The following NVL variants were observed in gnomAD, a reference collection of about 807,000 sequenced individuals.
The protein encoded by NVL is nuclear valosin-containing protein-like.
Under a neutral mutation model 110.2 loss-of-function variants are expected in NVL, and 84 were observed. That is an observed-to-expected ratio of 0.76 (90% confidence interval 0.64 to 0.91). The LOEUF is 0.91. NVL is among the 40% of genes least tolerant of loss of function. The pLI is 0.00. For synonymous variants in NVL, 354 were observed against 361.1 expected, an observed-to-expected ratio of 0.98 and a Z score of 0.22; for missense variants, 882 against 1,035.9, an observed-to-expected ratio of 0.85 and a Z score of 2.04.
intron 21 of NVL, chr1:224,232,840 G>C (rs1199905873): frequency 5.9e-6 from 1 of 169,454 alleles, no homozygotes; most frequent in East Asian, 1.6e-4. Context: ...CTTCTCTTGT[G>C]TATTTTCTAA....
intron 18 of NVL, among the ~76,000 whole-genome samples, chr1:224,262,139 G>A (rs955839960): frequency 1.3e-5 from 2 of 151,992 alleles, no homozygotes; most frequent in African/African-American, 2.4e-5. Flanking sequence ...AGGACATTTA[G>A]GAGATCAGTC....
Position 224,317,896 on chromosome 1 carries a change from T to G in NVL, c.166A>C (p.Arg56=). Residue 56 remains arginine (R), a synonymous_variant, in exon 3 of 23, where the codon AGG becomes CGG. Transcript: ENST00000281701. The part of the protein sequence containing the change: ...DYGRRKRNAF[R]IQVEKVFSII... ...GACTCACCTTTTTCTACCTGAATCCTAAAAGCATTTCTTTTTCTTCGACCA... is the reference window on the plus strand; with the variant it reads ...GACTCACCTTTTTCTACCTGAATCCGAAAAGCATTTCTTTTTCTTCGACCA... The G allele has an allele frequency of 6.3e-7, 1 of 1,598,858 alleles. No individual in the cohort carries two copies. The highest frequency in any genetic ancestry group is 8.6e-7 in the Non-Finnish European group (1 of 1,168,584).
chr1:224,316,456 C>T (rs1477624622), intron 4 of NVL, among the ~76,000 whole-genome samples: 2 of 151,810 alleles, frequency 1.3e-5, no homozygotes, highest in South Asian at 2.1e-4. Flanking sequence ...GAGGATGAGG[C>T]GGGCAGACTG....
At chr1:224,281,315 GA>G in intron 15 of NVL, 130 bp from the exon 16 acceptor site, 4 of 734,638 alleles carry the variant, frequency 5.4e-6, no homozygotes, top group South Asian at 3.2e-5. Flanking sequence ...GTGTGTGTGA[GA>G]TTTAGATGGA....
chr1:224,296,446 T>G, intron 11 of NVL, 55 bp downstream of exon 11: 2 of 897,040 alleles, frequency 2.2e-6, no homozygotes, highest in Non-Finnish European at 3.4e-6. Flanking sequence ...ATGTATTAAT[T>G]ACACTATTTT....
chr1:224,231,325 T>C (rs762636213), intron 21 of NVL, 29 bp from the exon 22 acceptor site: 6 of 1,561,414 alleles, frequency 3.8e-6, no homozygotes, highest in Non-Finnish European at 5.3e-6. Flanking sequence ...AATATACACA[T>C]CTCAGTATCG....
At chr1:224,233,010 T>A (rs1429734255) in intron 21 of NVL, 191 bp downstream of exon 21, 1 of 509,038 alleles carries the variant, frequency 2.0e-6, no homozygotes, top group Non-Finnish European at 3.4e-6. Context: ...AGGTACTAAA[T>A]AACTTTGCTA....
At chr1:224,254,257 T>C (rs1009243363) in intron 18 of NVL, among the ~76,000 whole-genome samples, 2 of 151,972 alleles carry the variant, frequency 1.3e-5, no homozygotes, top group Non-Finnish European at 2.9e-5. Context: ...CATGCCCGGC[T>C]AACTTTTGTA....
At position 224,236,595 on chromosome 1, in the gene NVL, G is replaced by A; in HGVS notation, c.2290-13C>T. On this transcript the variant is annotated splice_polypyrimidine_tract_variant and intron_variant, in intron 19 of 22. Coordinates refer to ENST00000281701, the MANE Select transcript of NVL (RefSeq NM_002533.4). ...GTTTGGTACCATTCTAAGTAAGAGAGAAAAATGATTTTTCATTGGAGCTTT... is the reference window on the plus strand; with the variant it reads ...GTTTGGTACCATTCTAAGTAAGAGAAAAAAATGATTTTTCATTGGAGCTTT... 6.2e-7 allele frequency: 1 copy of A among 1,607,052 alleles called. No homozygotes were observed. The highest frequency in any genetic ancestry group is 1.1e-5 in the South Asian group (1 of 90,896).
intron 19 of NVL, among the ~76,000 whole-genome samples, chr1:224,246,796 G>A (rs1661869422): frequency 6.6e-6 from 1 of 152,132 alleles, no homozygotes. Context: ...AGCACTTTGG[G>A]AGGCCGTGGT....
intron 6 of NVL, 37 bp downstream of exon 6, chr1:224,307,954 T>G (rs1327729211): frequency 1.3e-5 from 19 of 1,506,378 alleles, no homozygotes; most frequent in Non-Finnish European, 1.5e-5. Flanking sequence ...GAAATGTACT[T>G]CGATGATATG....
intron 17 of NVL, chr1:224,269,771 A>C: frequency 7.5e-6 from 1 of 133,992 alleles, no homozygotes; most frequent in Admixed American, 7.1e-5. Context: ...TTTTTGAGAC[A>C]GGGGTCTTGT....
At position 224,311,743 on chromosome 1, in the gene NVL, T is replaced by A. The variant is rs564615998; in HGVS notation, c.342+57A>T. The A allele has an allele frequency of 1.4e-5, 19 of 1,317,712 alleles. No homozygotes were observed. The African/African-American group carries it at 1.4e-4, about 10-fold the overall frequency. 81.6% of individuals were successfully genotyped at this position (1,317,712 alleles called of 1,614,324 possible). A position where few individuals can be genotyped will look rare whatever the true frequency, so the allele number is the denominator to read the frequency against. ...CTAATACTGAGTTTTTCAAGGGAGG[T>A]ACCATAACAACTAAAAAAGAAAAAA... On this transcript the variant is annotated intron_variant, in intron 5 of 22. Coordinates refer to ENST00000281701, the MANE Select transcript of NVL (RefSeq NM_002533.4).
chr1:224,265,231 G>A (rs907392937), intron 18 of NVL, among the ~76,000 whole-genome samples: 4 of 151,998 alleles, frequency 2.6e-5, no homozygotes, highest in Admixed American at 6.6e-5. Context: ...CAGGCCAGGC[G>A]CAGTGGCTCA....
At chr1:224,290,320 T>G (rs1318146519) in intron 12 of NVL, among the ~76,000 whole-genome samples, 1 of 152,228 alleles carries the variant, frequency 6.6e-6, no homozygotes, top group Non-Finnish European at 1.5e-5. Flanking sequence ...CTTGAACAAT[T>G]TCTGATAAGA....
intron 19 of NVL, among the ~76,000 whole-genome samples, chr1:224,247,328 A>G (rs1419123856): frequency 6.6e-6 from 1 of 151,790 alleles, no homozygotes; most frequent in Non-Finnish European, 1.5e-5. Context: ...ACCTCAGCCT[A>G]CCAAGTAGCT....
rs1375953786 is a variant in NVL at position 224,308,056 on chromosome 1, C to G, written c.550G>C (p.Asp184His). The G allele has an allele frequency of 1.9e-6, 3 of 1,596,728 alleles. No individual in the cohort carries two copies. In the African/African-American group the frequency reaches 4.0e-5, roughly 22 times the overall value. Reference protein sequence around the residue: ...FIDKTPSVKKDSFFLDLSCEK... With the variant: ...FIDKTPSVKKHSFFLDLSCEK... The stretch of plus-strand genomic sequence containing the variant: ...CATGACAGGTCCAAGAAAAAACTGT[C>G]TTTCTTTACACTTGGGGTTTTGTCA... Residue 184 changes from aspartate to histidine, a missense_variant, in exon 6 of 23, where the codon GAC (aspartate) becomes CAC (histidine). Around this residue, in one of 4 missense-constraint regions of NVL, gnomAD observed 274 missense variants for 268.4 expected, o/e 1.02. Coordinates refer to ENST00000281701, the MANE Select transcript of NVL (RefSeq NM_002533.4).
chr1:224,293,260 G>A (rs1351306909), intron 12 of NVL, among the ~76,000 whole-genome samples: 3 of 151,214 alleles, frequency 2.0e-5, no homozygotes, highest in Non-Finnish European at 2.9e-5. Flanking sequence ...TAGTAGTAAC[G>A]GGGTTTCACC....
At chr1:224,285,963 A>T in intron 15 of NVL, 63 bp downstream of exon 15, 1 of 1,247,496 alleles carries the variant, frequency 8.0e-7, no homozygotes. Flanking sequence ...ATTTAAAGTT[A>T]AGTTCATATT....
Sources: gnomAD v4.1 joint callset for allele counts (sites outside exome capture counted in the v4.1 genomes callset) on GRCh38, gnomAD v4.1.1 for gene constraint, gnomAD v4.1.1 regional missense constraint, MANE v1.5 for transcripts, NCBI Gene and HGNC (gene_info 2026-07-23, HGNC 2026-07-21) for gene names.